The following CAPN9 variants were observed in gnomAD, a reference collection of about 807,000 sequenced individuals.
CAPN9 encodes the protein calpain-9.
CAPN9 carries 81 observed loss-of-function variants against 92.8 expected under a neutral mutation model. The ratio of observed to expected loss-of-function variants is 0.87; its 90% CI spans 0.73 to 1.05. The LOEUF (loss-of-function observed/expected upper bound fraction) is 1.05, where lower values mean the gene tolerates loss of function less well. Ranked by LOEUF, CAPN9 falls within the 50% of genes least tolerant of loss-of-function variation. CAPN9 has a pLI of 0.00. For missense variants in CAPN9, 848 were observed against 866.2 expected (o/e 0.98, Z 0.26); for synonymous variants, 304 against 328.0 (o/e 0.93, Z 0.79).
intron 1 of CAPN9, 134 bp downstream of exon 1, chr1:230,747,843 G>C: frequency 1.3e-6 from 1 of 788,182 alleles, no homozygotes; most frequent in South Asian, 1.6e-5. Context: ...CCAGTCTACC[G>C]TGGAAAGCTT....
intron 2 of CAPN9, among the ~76,000 whole-genome samples, chr1:230,759,241 C>T (rs2102846619): frequency 6.6e-6 from 1 of 152,318 alleles, no homozygotes; most frequent in African/African-American, 2.4e-5. Flanking sequence ...AGAGCTGATG[C>T]ATCAGGCAGC....
In CAPN9 at chr1:230,785,871, T is replaced by G; in HGVS notation, c.1482-110T>G. 4 of 1,014,560 alleles carry G rather than the reference T, an allele frequency of 3.9e-6. No homozygotes were observed. The South Asian group carries it at 5.3e-5, about 14-fold the overall frequency. 62.8% of individuals were successfully genotyped at this position (1,014,560 alleles called of 1,614,324 possible). A position where few individuals can be genotyped will look rare whatever the true frequency, so the allele number is the denominator to read the frequency against. On this transcript the variant is annotated intron_variant, in intron 11 of 19. Coordinates refer to ENST00000271971, the MANE Select transcript of CAPN9 (RefSeq NM_006615.3). ...GTGAAATGTAAACAGCACTGAACAATAAGGGATTCAAAGGGACAGAACCTT... is the reference window on the plus strand; with the variant it reads ...GTGAAATGTAAACAGCACTGAACAAGAAGGGATTCAAAGGGACAGAACCTT...
chr1:230,763,226 G>A (rs1665758479), intron 4 of CAPN9, among the ~76,000 whole-genome samples: 3 of 152,220 alleles, frequency 2.0e-5, no homozygotes, highest in Admixed American at 1.3e-4. Context: ...ATGACATATC[G>A]ATAAATAATC....
chr1:230,776,424 T>C (rs1399303727), intron 8 of CAPN9: 1 of 152,232 alleles, frequency 6.6e-6, no homozygotes, highest in Non-Finnish European at 1.5e-5. Context: ...ATTTACCCAA[T>C]GTTTTGCCAC....
chr1:230,789,773 A>G (rs182694882), intron 13 of CAPN9, among the ~76,000 whole-genome samples: 134 of 152,316 alleles, frequency 8.8e-4, no homozygotes, highest in African/African-American at 1.6e-3. Flanking sequence ...GTTTTCCCAA[A>G]CTGCCTCCAA....
Position 230,772,357 on chromosome 1 carries a change from G to A in CAPN9, c.875+258G>A, listed in dbSNP as rs571514349. Among the ~76,000 whole-genome samples, 9 of 152,332 alleles carry A rather than the reference G, an allele frequency of 5.9e-5. No homozygotes were observed. In the South Asian group the frequency reaches 1.9e-3, roughly 32 times the overall value. On this transcript the variant is annotated intron_variant, in intron 7 of 19. Coordinates refer to ENST00000271971, the MANE Select transcript of CAPN9 (RefSeq NM_006615.3). ...ATTGTATTTATGTCAATACATAAAT[G>A]TGTTACCTCCCATGGTGATGTTTAT...
At chr1:230,765,563 G>A (rs979193818) in intron 4 of CAPN9, among the ~76,000 whole-genome samples, 3 of 152,092 alleles carry the variant, frequency 2.0e-5, no homozygotes, top group Non-Finnish European at 2.9e-5. Context: ...GGAGGCTAAG[G>A]CAGCAGAACC....
At chr1:230,787,296 G>A (rs891524578) in intron 12 of CAPN9, among the ~76,000 whole-genome samples, 3 of 152,164 alleles carry the variant, frequency 2.0e-5, no homozygotes, top group Admixed American at 6.5e-5. Flanking sequence ...TCGTCTGTAA[G>A]GCAGAAGGGC....
At chr1:230,754,604 C>G (rs1354487568) in intron 1 of CAPN9, among the ~76,000 whole-genome samples, 1 of 147,980 alleles carries the variant, frequency 6.8e-6, no homozygotes, top group Non-Finnish European at 1.5e-5. Flanking sequence ...GAGTTTGAGA[C>G]CAGCCTGGGC....
intron 8 of CAPN9, among the ~76,000 whole-genome samples, chr1:230,778,551 C>T (rs2102891053): frequency 1.3e-5 from 2 of 152,298 alleles, no homozygotes; most frequent in Middle Eastern, 3.4e-3. Flanking sequence ...GTGAGCACCT[C>T]AAGCACCTCT....
At chr1:230,777,730 C>T (rs1488697864) in intron 8 of CAPN9, among the ~76,000 whole-genome samples, 3 of 151,958 alleles carry the variant, frequency 2.0e-5, no homozygotes, top group African/African-American at 7.3e-5. Context: ...TCACTTTGCT[C>T]GATCAGATTA....
intron 4 of CAPN9, among the ~76,000 whole-genome samples, chr1:230,767,043 G>A (rs927988790): frequency 1.3e-5 from 2 of 152,114 alleles, no homozygotes; most frequent in Non-Finnish European, 2.9e-5. Flanking sequence ...TAAAAGAGAT[G>A]ACTATGACAA....
intron 5 of CAPN9, among the ~76,000 whole-genome samples, chr1:230,768,528 T>C (rs1312654186): frequency 8.5e-5 from 12 of 141,608 alleles, no homozygotes; most frequent in Non-Finnish European, 7.5e-5. Flanking sequence ...TCTTCCTATC[T>C]AGTTTTCTGA....
At chr1:230,773,431 T>G (rs1312541681) in intron 7 of CAPN9, among the ~76,000 whole-genome samples, 1 of 152,114 alleles carries the variant, frequency 6.6e-6, no homozygotes, top group Non-Finnish European at 1.5e-5. Context: ...GATCGTAGCC[T>G]ATAAAGGGAA....
chr1:230,751,660 AAAGAAAGAAAGAAAGAAAGAAAG>A (rs1664837604), intron 1 of CAPN9, among the ~76,000 whole-genome samples: 1 of 59,224 alleles, frequency 1.7e-5, no homozygotes, highest in Non-Finnish European at 3.4e-5. Flanking sequence ...AGAAAGAAAG[AAAGAAAGAAAGAAAGAAAGAAAG>A]AAGGGTGGCT....
rs937777354 is a variant in CAPN9, at chr1:230,795,027, C to A, written c.1871-136C>A. The A allele has an allele frequency of 2.9e-5, 19 of 653,084 alleles. No individual in the cohort carries two copies. The Admixed American group carries it at 3.2e-4, about 11-fold the overall frequency. The allele number at this position is 653,084 out of a possible 1,614,324, so 40.5% of individuals were successfully genotyped here. A position where few individuals can be genotyped will look rare whatever the true frequency, so the allele number is the denominator to read the frequency against. ...CAGCAGTCCCACTGGGTCTGGGGACCCCAGCTTTGAGGAGTGAAACAGTGG... is the reference window on the plus strand; with the variant it reads ...CAGCAGTCCCACTGGGTCTGGGGACACCAGCTTTGAGGAGTGAAACAGTGG... On this transcript the variant is annotated intron_variant, in intron 17 of 19. Transcript: ENST00000271971.
rs1666616676 is a variant in CAPN9 at position 230,774,624 on chromosome 1, G to A, written c.946G>A (p.Glu316Lys). 1.2e-6 allele frequency: 2 copies of A among 1,613,214 alleles called. No individual in the cohort carries two copies. The highest frequency in any genetic ancestry group is 1.7e-6 in the Non-Finnish European group (2 of 1,179,156). The change falls in exon 8 of 20, where the codon GAA becomes AAA. Residue 316 changes from glutamate (E) to lysine (K), a missense_variant. Glu to Lys is a moderately conservative substitution (Grantham distance 56). Coordinates refer to ENST00000271971, the MANE Select transcript of CAPN9 (RefSeq NM_006615.3). ...RLCHTALDDG[E>K]FWMAFKDFKA... ...GTGTCACACTGCTCTGGATGATGGG[G>A]AATTCTGGTACCGTGCTTGTTCCTG...
chr1:230,792,306 C>G, intron 15 of CAPN9, 120 bp from the exon 16 acceptor site: 1 of 792,912 alleles, frequency 1.3e-6, no homozygotes, highest in Admixed American at 2.0e-5. Context: ...CCCAGGGCCC[C>G]AAACCTGTGC....
Position 230,787,509 on chromosome 1 carries a change from G to A in CAPN9, c.1519-13G>A. On this transcript the variant is annotated splice_polypyrimidine_tract_variant and intron_variant, in intron 12 of 19. Coordinates refer to ENST00000271971, the MANE Select transcript of CAPN9 (RefSeq NM_006615.3). ...TGGATCATTTTGTGCAAGTTTCTTT[G>A]GCTGTTTTTTAGCCTCCAAAGCCAA... The A allele has an allele frequency of 6.2e-7, 1 of 1,609,584 alleles. No homozygotes were observed. The highest frequency in any genetic ancestry group is 8.5e-7 in the Non-Finnish European group (1 of 1,176,204).
Sources: gnomAD v4.1 joint callset for allele counts (sites outside exome capture counted in the v4.1 genomes callset) on GRCh38, gnomAD v4.1.1 for gene constraint, MANE v1.5 for transcripts, NCBI Gene and HGNC (gene_info 2026-07-23, HGNC 2026-07-21) for gene names.